Variants in SLC26A7 observed in about 807,000 individuals in gnomAD.
SLC26A7 encodes solute carrier family 26 member 7.
Under a neutral mutation model 82.5 loss-of-function variants are expected in SLC26A7, and 59 were observed. The observed-to-expected ratio is 0.72, with a 90% CI of 0.58 to 0.89. The LOEUF (loss-of-function observed/expected upper bound fraction) is 0.89, where lower values mean the gene tolerates loss of function less well. Ranked by LOEUF, SLC26A7 falls within the 40% of genes least tolerant of loss-of-function variation. SLC26A7 has a pLI of 0.00. For synonymous variants in SLC26A7, 271 were observed against 274.3 expected, an observed-to-expected ratio of 0.99 and a Z score of 0.12; for missense variants, 820 against 793.0, an observed-to-expected ratio of 1.03 and a Z score of -0.41.
Position 91,366,643 on chromosome 8 carries a change from A to T in SLC26A7, c.1552A>T (p.Lys518Ter). ...CCCGCTTGTTTTCCTGAATGCAAAA[A>T]AATTTTATACTGATTTAATGAACAT... is the stretch of plus-strand genomic sequence containing the variant. ...NNPLVFLNAKKFYTDLMNMIQ... is the reference protein window; with the variant it reads ...NNPLVFLNAK Residue 518 changes from lysine to a stop codon, truncating the protein, a stop_gained, in exon 14 of 19, where the codon AAA becomes TAA. Transcript: ENST00000276609. LOFTEE classifies it high-confidence loss of function. The T allele has an allele frequency of 6.2e-7, 1 of 1,613,714 alleles. No homozygotes were observed. Among genetic ancestry groups the T allele is most frequent in the Admixed American group, 1.7e-5 (1 of 59,932 alleles).
At chr8:91,287,863 C>G (rs954022264) in intron 2 of SLC26A7, among the ~76,000 whole-genome samples, 1 of 152,144 alleles carries the variant, frequency 6.6e-6, no homozygotes, top group Non-Finnish European at 1.5e-5. Context: ...TTAACACCAT[C>G]CTTTCTACCT....
At chr8:91,306,744 C>A (rs1812320281) in intron 4 of SLC26A7, among the ~76,000 whole-genome samples, 1 of 151,368 alleles carries the variant, frequency 6.6e-6, no homozygotes, top group African/African-American at 2.4e-5. Context: ...GAGTCTCACT[C>A]TGTTGCTCAG....
intron 2 of SLC26A7, among the ~76,000 whole-genome samples, chr8:91,243,646 G>A (rs745789543): frequency 2.0e-5 from 3 of 152,146 alleles, no homozygotes; most frequent in Non-Finnish European, 4.4e-5. Context: ...GGAACCTACC[G>A]ACACTGGGGA....
chr8:91,345,643 G>A (rs1366162822), intron 9 of SLC26A7, among the ~76,000 whole-genome samples: 3 of 152,158 alleles, frequency 2.0e-5, no homozygotes, highest in African/African-American at 4.8e-5. Context: ...GATGCAATGA[G>A]ACAGTTTTCT....
intron 2 of SLC26A7, among the ~76,000 whole-genome samples, chr8:91,255,610 A>C (rs1448678534): frequency 1.3e-5 from 2 of 152,142 alleles, no homozygotes; most frequent in African/African-American, 4.8e-5. Context: ...CCATGAAAAT[A>C]TAGAAGAGCT....
chr8:91,229,466 C>T (rs1275194374), intron 2 of SLC26A7, among the ~76,000 whole-genome samples: 1 of 152,158 alleles, frequency 6.6e-6, no homozygotes, highest in African/African-American at 2.4e-5. Context: ...ATATACTCAT[C>T]ACCTAGATTC....
intron 2 of SLC26A7, among the ~76,000 whole-genome samples, chr8:91,262,910 A>T (rs1811008259): frequency 6.6e-6 from 1 of 152,066 alleles, no homozygotes; most frequent in Non-Finnish European, 1.5e-5. Context: ...TCAGCATTTA[A>T]TAAGTAAACA....
chr8:91,255,808 A>G (rs1810785678), intron 2 of SLC26A7, among the ~76,000 whole-genome samples: 1 of 152,162 alleles, frequency 6.6e-6, no homozygotes, highest in Non-Finnish European at 1.5e-5. Context: ...TCCCTATAAC[A>G]TTTAGAGCTG....
intron 11 of SLC26A7, among the ~76,000 whole-genome samples, chr8:91,356,083 A>G (rs984700497): frequency 6.6e-6 from 1 of 152,172 alleles, no homozygotes; most frequent in African/African-American, 2.4e-5. Flanking sequence ...GCTGCATAGT[A>G]TTCCATGGTG....
intron 1 of SLC26A7, among the ~76,000 whole-genome samples, chr8:91,212,141 GCTA>G (rs1456238657): frequency 6.6e-6 from 1 of 151,992 alleles, no homozygotes; most frequent in African/African-American, 2.4e-5. Context: ...TTCAATATTA[GCTA>G]CTAATGATAT....
intron 5 of SLC26A7, among the ~76,000 whole-genome samples, chr8:91,331,152 C>T (rs1046797020): frequency 6.6e-6 from 1 of 152,016 alleles, no homozygotes; most frequent in Non-Finnish European, 1.5e-5. Context: ...CTTTAAAGGC[C>T]CTGTCTCCAG....
intron 11 of SLC26A7, among the ~76,000 whole-genome samples, chr8:91,354,720 G>A (rs898426869): frequency 6.6e-5 from 10 of 152,030 alleles, no homozygotes; most frequent in Non-Finnish European, 1.2e-4. Flanking sequence ...AGAATCAGAT[G>A]AAAAATATTA....
At chr8:91,280,075 C>A (rs556814674) in intron 2 of SLC26A7, among the ~76,000 whole-genome samples, 3 of 152,144 alleles carry the variant, frequency 2.0e-5, no homozygotes, top group Non-Finnish European at 4.4e-5. Flanking sequence ...TCACTCTTTT[C>A]CTTTGCTGTG....
intron 1 of SLC26A7, among the ~76,000 whole-genome samples, chr8:91,215,219 T>C (rs963387303): frequency 4.6e-5 from 7 of 152,128 alleles, no homozygotes; most frequent in African/African-American, 1.7e-4. Context: ...TGTGGACATC[T>C]TTGGGGGGAC....
intron 18 of SLC26A7, chr8:91,394,661 C>G: frequency 9.0e-7 from 1 of 1,114,962 alleles, no homozygotes; most frequent in Non-Finnish European, 1.1e-6. Flanking sequence ...ACAATCAGAA[C>G]AGTATGTATT....
intron 9 of SLC26A7, among the ~76,000 whole-genome samples, chr8:91,349,025 A>G (rs1288586065): frequency 6.6e-6 from 1 of 152,208 alleles, no homozygotes; most frequent in African/African-American, 2.4e-5. Context: ...ATTTTTTACG[A>G]ATCCAAATTT....
intron 2 of SLC26A7, among the ~76,000 whole-genome samples, chr8:91,235,246 GTAGAATTATGTC>G (rs1468038609): frequency 6.6e-6 from 1 of 152,076 alleles, no homozygotes; most frequent in Non-Finnish European, 1.5e-5. Flanking sequence ...TTTCTGCAGG[GTAGAATTATGTC>G]TCAACTCTGG....
At position 91,234,827 on chromosome 8, in the gene SLC26A7, A is replaced by ACCTCCTTCCTTCCTTCCTTC. The variant is rs1386380375; in HGVS notation, c.-33-14791_-33-14790insCTCCTTCCTTCCTTCCTTCC. Among the ~76,000 whole-genome samples, 28 of 92,546 alleles carry ACCTCCTTCCTTCCTTCCTTC rather than the reference A, an allele frequency of 3.0e-4. No homozygotes were observed. The East Asian group carries it at 6.6e-3, about 22-fold the overall frequency. The allele number at this position is 92,546 out of a possible 152,430, so 60.7% of individuals were successfully genotyped here. A position where few individuals can be genotyped will look rare whatever the true frequency, so the allele number is the denominator to read the frequency against. ...TACCTACCTACCTACCTACCTACCT[A>ACCTCCTTCCTTCCTTCCTTC]CTTCCTTCCTTCCTTCCTTCCTTCC... On this transcript the variant is annotated intron_variant, in intron 2 of 5. Transcript: ENST00000522862.
In SLC26A7 at chr8:91,230,818, C is replaced by T. The variant is rs62527423; in HGVS notation, c.-34+11813C>T. Among the ~76,000 whole-genome samples the T allele has an allele frequency of 4.5e-3, 683 of 152,130 alleles. 1 individual carries two copies. The highest frequency in any genetic ancestry group is 7.6e-3 in the Non-Finnish European group (515 of 68,024). Reference sequence around the variant, plus strand: ...ATGGCTAAAAGTGATGGCAACAACACGGAAGATGAATTAAGAGGGTATAAT... The same window carrying T: ...ATGGCTAAAAGTGATGGCAACAACATGGAAGATGAATTAAGAGGGTATAAT... On this transcript the variant is annotated intron_variant, in intron 2 of 5. Coordinates refer to the SLC26A7 transcript ENST00000522862.
Sources: gnomAD v4.1 joint callset for allele counts (sites outside exome capture counted in the v4.1 genomes callset) on GRCh38, gnomAD v4.1.1 for gene constraint, MANE v1.5 for transcripts, NCBI Gene and HGNC (gene_info 2026-07-23, HGNC 2026-07-21) for gene names.